The following TMEM123 variants were observed in gnomAD, a reference collection of about 807,000 sequenced individuals.
The protein encoded by TMEM123 is transmembrane protein 123.
TMEM123 carries 16 observed loss-of-function variants against 19.7 expected under a neutral mutation model. The observed-to-expected ratio is 0.81, with a 90% CI of 0.55 to 1.23. TMEM123 has a LOEUF of 1.23. Among genes scored for constraint, TMEM123 ranks in the 50% most tolerant of loss-of-function variants. The pLI, the probability that TMEM123 is intolerant of heterozygous loss-of-function variation, is 0.00. For synonymous variants in TMEM123, 118 were observed against 99.4 expected (o/e 1.19, Z -1.12); for missense variants, 313 against 257.8 (o/e 1.21, Z -1.47).
intron 4 of TMEM123, 26 bp downstream of exon 4, chr11:102,401,513 A>G: frequency 6.5e-7 from 1 of 1,530,954 alleles, no homozygotes. Context: ...ATTTTTTTTA[A>G]AAAGTCCTGG....
chr11:102,399,009 T>C, intron 4 of TMEM123, 118 bp from the exon 5 acceptor site: 1 of 918,412 alleles, frequency 1.1e-6, no homozygotes, highest in South Asian at 1.6e-5. Context: ...ATCAAAATGG[T>C]CAGTGTTCTG....
chr11:102,423,838 G>A (rs1236259319), intron 2 of TMEM123, among the ~76,000 whole-genome samples: 2 of 152,072 alleles, frequency 1.3e-5, no homozygotes, highest in African/African-American at 4.8e-5. Flanking sequence ...AGGGAGGAAC[G>A]CATACTTATT....
chr11:102,417,385 TC>T (rs574314759), intron 2 of TMEM123, among the ~76,000 whole-genome samples: 89 of 152,028 alleles, frequency 5.9e-4, no homozygotes, highest in Admixed American at 1.5e-3. Context: ...AAGAATGCAA[TC>T]CCATTCACAG....
chr11:102,401,709 C>CA lies in TMEM123; in HGVS notation c.449-18dup, dbSNP rs767289878. 4.2e-5 allele frequency: 66 copies of CA among 1,559,402 alleles called. No homozygotes were observed. The African/African-American group carries it at 8.0e-4, about 19-fold the overall frequency. ...TTGTTGTGACTAGAACAAAAGAAAA[C>CA]AAAAAAGGGCTTTAGCGTTATTTTT... On this transcript the variant is annotated splice_polypyrimidine_tract_variant and intron_variant, in intron 3 of 4. Transcript: ENST00000398136.
intron 2 of TMEM123, among the ~76,000 whole-genome samples, chr11:102,410,294 T>A (rs759048101): frequency 8.6e-5 from 13 of 151,426 alleles, no homozygotes; most frequent in Admixed American, 1.3e-4. Context: ...GCCTGAAAGG[T>A]GATCCTGTTC....
chr11:102,418,115 C>G (rs1310104438), intron 2 of TMEM123, among the ~76,000 whole-genome samples: 2 of 150,158 alleles, frequency 1.3e-5, no homozygotes, highest in Non-Finnish European at 3.0e-5. Context: ...AAACACCATT[C>G]TGGCCATTAG....
At chr11:102,437,383 A>C (rs994128765) in intron 2 of TMEM123, among the ~76,000 whole-genome samples, 7 of 151,700 alleles carry the variant, frequency 4.6e-5, no homozygotes, top group Non-Finnish European at 1.0e-4. Flanking sequence ...GCTTGAACCC[A>C]GAAGGCGGAG....
intron 2 of TMEM123, among the ~76,000 whole-genome samples, chr11:102,417,368 C>G (rs193128929): frequency 6.6e-6 from 1 of 152,202 alleles, no homozygotes; most frequent in Non-Finnish European, 1.5e-5. Context: ...AAGCTGAGAG[C>G]CAAATCAAGA....
intron 4 of TMEM123, 119 bp from the exon 5 acceptor site, chr11:102,399,010 C>A: frequency 2.2e-6 from 2 of 908,136 alleles, no homozygotes; most frequent in South Asian, 3.2e-5. Flanking sequence ...TCAAAATGGT[C>A]AGTGTTCTGT....
chr11:102,422,547 T>C (rs1952096060), intron 2 of TMEM123, among the ~76,000 whole-genome samples: 1 of 152,080 alleles, frequency 6.6e-6, no homozygotes, highest in African/African-American at 2.4e-5. Flanking sequence ...AATTAGGAAA[T>C]CCCCAAAAAG....
At chr11:102,415,944 T>C (rs183172517) in intron 2 of TMEM123, among the ~76,000 whole-genome samples, 29 of 152,204 alleles carry the variant, frequency 1.9e-4, no homozygotes, top group African/African-American at 6.3e-4. Context: ...AGATGGAGTC[T>C]TGCTCTGTTG....
At position 102,401,928 on chromosome 11, in the gene TMEM123, A is replaced by C. The variant is rs1195291734; in HGVS notation, c.436T>G (p.Ser146Ala). The change falls in exon 3 of 5, where the codon TCA becomes GCA. Residue 146 changes from serine (S) to alanine (A), a missense_variant. Physicochemically the swap from Ser to Ala is moderately conservative, Grantham distance 99 (BLOSUM62 1). Transcript: ENST00000398136. Reference sequence around the variant, plus strand: ...CTTTAATACATACTTGTTACTGATGAAGCAGCAGATGTCACTGAACTATTG... The same window carrying C: ...CTTTAATACATACTTGTTACTGATGCAGCAGCAGATGTCACTGAACTATTG... ...THNSSVTSAA[S>A]SVTITTTMHS... 1 of 1,613,690 alleles carries C rather than the reference A, an allele frequency of 6.2e-7. No individual in the cohort carries two copies. Among genetic ancestry groups the C allele is most frequent in the Admixed American group, 1.7e-5 (1 of 60,002 alleles).
chr11:102,438,784 C>G (rs1438503453), intron 2 of TMEM123, among the ~76,000 whole-genome samples: 1 of 152,236 alleles, frequency 6.6e-6, no homozygotes, highest in East Asian at 1.9e-4. Flanking sequence ...CGAAGCAGGG[C>G]AGGGCACTGC....
At chr11:102,400,580 A>G (rs1951902927) in intron 4 of TMEM123, among the ~76,000 whole-genome samples, 1 of 152,246 alleles carries the variant, frequency 6.6e-6, no homozygotes, top group South Asian at 2.1e-4. Context: ...TAGCTCTTAC[A>G]TTTGTGTCAC....
At chr11:102,419,255 T>C (rs977027543) in intron 2 of TMEM123, among the ~76,000 whole-genome samples, 3 of 152,242 alleles carry the variant, frequency 2.0e-5, no homozygotes, top group Non-Finnish European at 4.4e-5. Flanking sequence ...AAAACGTTCA[T>C]TCATTCATTC....
rs536166085 is a variant in TMEM123, at chr11:102,445,337, C to G, written c.157+3475G>C. Among the ~76,000 whole-genome samples the G allele has an allele frequency of 4.4e-4, 51 of 116,482 alleles. 1 individual carries two copies. In the South Asian group the frequency reaches 0.014, roughly 33 times the overall value. The allele number at this position is 116,482 out of a possible 152,430, so 76.4% of individuals were successfully genotyped here. ...AACTAGTATTGATATCTCTATGTCT[C>G]TCTGTGTATCTATCACTGTTTGTAT... On this transcript the variant is annotated intron_variant, in intron 2 of 4. Coordinates refer to ENST00000398136, the MANE Select transcript of TMEM123 (RefSeq NM_052932.3).
chr11:102,426,271 T>C (rs1355783211), intron 2 of TMEM123, among the ~76,000 whole-genome samples: 2 of 152,232 alleles, frequency 1.3e-5, no homozygotes, highest in African/African-American at 2.4e-5. Context: ...TAGATCGTTC[T>C]TAACAATAAT....
intron 2 of TMEM123, among the ~76,000 whole-genome samples, chr11:102,417,608 T>A (rs1260723003): frequency 6.6e-6 from 1 of 152,076 alleles, no homozygotes; most frequent in African/African-American, 2.4e-5. Context: ...TCAGTGCTAT[T>A]GATATCAAAC....
chr11:102,436,012 GGTGT>G (rs772478146), intron 2 of TMEM123, among the ~76,000 whole-genome samples: 3 of 151,634 alleles, frequency 2.0e-5, no homozygotes, highest in South Asian at 4.2e-4. Context: ...CTTGAAATGG[GGTGT>G]GTGATTATAT....
Sources: gnomAD v4.1 joint callset for allele counts (sites outside exome capture counted in the v4.1 genomes callset) on GRCh38, gnomAD v4.1.1 for gene constraint, MANE v1.5 for transcripts, NCBI Gene and HGNC (gene_info 2026-07-23, HGNC 2026-07-21) for gene names.